SPATA7: variants seen among roughly 807,000 people sequenced by gnomAD.
The protein encoded by SPATA7 is spermatogenesis associated 7.
Under a neutral mutation model 51.8 loss-of-function variants are expected in SPATA7, and 43 were observed. The observed-to-expected ratio is 0.83, with a 90% CI of 0.65 to 1.07. SPATA7 has a LOEUF of 1.07. Ranked by LOEUF, SPATA7 falls within the 50% of genes least tolerant of loss-of-function variation. The pLI is 0.00. For missense variants in SPATA7, 683 were observed against 701.3 expected (o/e 0.97, Z 0.30); for synonymous variants, 230 against 252.8 (o/e 0.91, Z 0.86).
rs111835041 is a variant in SPATA7, at chr14:88,450,270, G to T, written c.178-4790G>T. Reference sequence around the variant, plus strand: ...CATTCTGCCATTTCATATCTTTTAGGTGGAGCATTTAGGCCATTTACATTA... The same window carrying T: ...CATTCTGCCATTTCATATCTTTTAGTTGGAGCATTTAGGCCATTTACATTA... On this transcript the variant is annotated intron_variant, in intron 3 of 3. Coordinates refer to the SPATA7 transcript ENST00000554802. 1.3e-3 allele frequency among the ~76,000 whole-genome samples: 201 copies of T among 152,128 alleles called. 1 individual carries two copies. The highest frequency in any genetic ancestry group is 2.5e-3 in the Non-Finnish European group (173 of 67,992).
At chr14:88,452,338 T>A (rs2077256319) in intron 3 of SPATA7, among the ~76,000 whole-genome samples, 1 of 152,290 alleles carries the variant, frequency 6.6e-6, no homozygotes, top group East Asian at 1.9e-4. Context: ...GAGAGTGAAG[T>A]GGACCCTGTG....
At chr14:88,392,568 A>G (rs2075772615) in intron 2 of SPATA7, among the ~76,000 whole-genome samples, 2 of 152,218 alleles carry the variant, frequency 1.3e-5, no homozygotes, top group Admixed American at 1.3e-4. Flanking sequence ...ATAGGCTTGT[A>G]TTATGCACAG....
intron 3 of SPATA7, among the ~76,000 whole-genome samples, chr14:88,453,937 A>G (rs1342512387): frequency 6.6e-6 from 1 of 152,228 alleles, no homozygotes; most frequent in Non-Finnish European, 1.5e-5. Context: ...TGCCTTGTGC[A>G]TTCTGCTTTG....
Position 88,391,395 on chromosome 14 carries a change from G to A in SPATA7, c.34G>A (p.Val12Ile), listed in dbSNP as rs2139866031. ...DGSRRVRATS[V>I]LPRYGPPCLF... ...CTTGTTAAAAGTCAGAGCAACCTCT[G>A]TCCTTCCCAGATATGGTCCACCGTG... is the stretch of plus-strand genomic sequence containing the variant. The change falls in exon 2 of 12, where the codon GTC becomes ATC. Residue 12 changes from valine (V) to isoleucine (I), a missense_variant. Physicochemically the swap from Val to Ile is conservative, Grantham distance 29 (BLOSUM62 3). Coordinates refer to ENST00000393545, the MANE Select transcript of SPATA7 (RefSeq NM_018418.5). The A allele has an allele frequency of 6.2e-7, 1 of 1,613,058 alleles. No individual in the cohort carries two copies. The highest frequency in any genetic ancestry group is 8.5e-7 in the Non-Finnish European group (1 of 1,179,512).
intron 4 of SPATA7, among the ~76,000 whole-genome samples, chr14:88,415,013 G>C (rs1274276605): frequency 6.6e-6 from 1 of 152,176 alleles, no homozygotes; most frequent in Non-Finnish European, 1.5e-5. Flanking sequence ...ATGCAGATGA[G>C]AAGAATGTTT....
intron 8 of SPATA7, 60 bp from the exon 9 acceptor site, chr14:88,431,112 T>G (rs570862555): frequency 7.3e-7 from 1 of 1,371,114 alleles, no homozygotes; most frequent in African/African-American, 1.4e-5. Context: ...ACAATGTTAT[T>G]GAGTACTTAT....
chr14:88,419,180 TGTG>T (rs924891633), intron 5 of SPATA7, among the ~76,000 whole-genome samples: 3 of 152,158 alleles, frequency 2.0e-5, no homozygotes, highest in East Asian at 3.8e-4. Flanking sequence ...TATTTCTCCT[TGTG>T]GTACTATTAA....
intron 4 of SPATA7, among the ~76,000 whole-genome samples, chr14:88,465,324 G>A (rs988063337): frequency 2.6e-5 from 4 of 152,034 alleles, no homozygotes; most frequent in Non-Finnish European, 4.4e-5. Context: ...AAAATTAGCC[G>A]GGCATAGTGG....
Position 88,425,509 on chromosome 14 carries a change from A to G in SPATA7, c.373-723A>G, listed in dbSNP as rs185034076. ...TCCGTAAGGGCTGAAGTCATAGGCA[A>G]AGCTTCTTAGACATTTTCAGTTTAT... On this transcript the variant is annotated intron_variant, in intron 5 of 11. Transcript: ENST00000393545. 2.6e-5 allele frequency among the ~76,000 whole-genome samples: 4 copies of G among 152,248 alleles called. No homozygotes were observed. In the East Asian group the frequency reaches 7.7e-4, roughly 29 times the overall value.
chr14:88,433,873 T>C (rs545218893), intron 10 of SPATA7, among the ~76,000 whole-genome samples: 3 of 152,174 alleles, frequency 2.0e-5, no homozygotes, highest in Non-Finnish European at 2.9e-5. Context: ...TCAAGTTTTT[T>C]AAAAAATTAA....
intron 4 of SPATA7, among the ~76,000 whole-genome samples, chr14:88,396,409 C>T (rs2075881192): frequency 6.6e-6 from 1 of 152,138 alleles, no homozygotes; most frequent in African/African-American, 2.4e-5. Context: ...ATAATTTCCT[C>T]CCATAGGCCC....
At chr14:88,388,066 GT>G in intron 1 of SPATA7, among the ~76,000 whole-genome samples, 1 of 152,156 alleles carries the variant, frequency 6.6e-6, no homozygotes, top group South Asian at 2.1e-4. Flanking sequence ...GCCAGGCATG[GT>G]GGCGTGCGCC....
At chr14:88,428,750 T>G (rs2076863462) in intron 7 of SPATA7, 1 of 152,614 alleles carries the variant, frequency 6.6e-6, no homozygotes, top group African/African-American at 2.4e-5. Flanking sequence ...AGTACTTGAC[T>G]TGAAGAAGCC....
chr14:88,393,557 T>C, intron 3 of SPATA7, 69 bp downstream of exon 3: 8 of 1,127,900 alleles, frequency 7.1e-6, no homozygotes, highest in South Asian at 4.0e-5. Flanking sequence ...CATTAAAATA[T>C]ATCTATAGCA....
intron 7 of SPATA7, chr14:88,428,557 A>G (rs2076857667): frequency 6.6e-6 from 1 of 152,226 alleles, no homozygotes; most frequent in Admixed American, 6.5e-5. Flanking sequence ...CAGGATTATT[A>G]GGAGGAGTAA....
At chr14:88,420,699 C>CCACT (rs2076616984) in intron 5 of SPATA7, among the ~76,000 whole-genome samples, 1 of 152,054 alleles carries the variant, frequency 6.6e-6, no homozygotes, top group African/African-American at 2.4e-5. Context: ...ACCTATATGC[C>CCACT]CACTCACTCT....
chr14:88,398,640 TAA>T (rs35109199), intron 4 of SPATA7, among the ~76,000 whole-genome samples: 1 of 151,872 alleles, frequency 6.6e-6, no homozygotes, highest in Non-Finnish European at 1.5e-5. Flanking sequence ...AATAAAATTT[TAA>T]AAAAAGATAA....
At chr14:88,449,404 G>T (rs891252987) in intron 3 of SPATA7, among the ~76,000 whole-genome samples, 1 of 151,968 alleles carries the variant, frequency 6.6e-6, no homozygotes, top group Non-Finnish European at 1.5e-5. Context: ...TTTTGCAGTT[G>T]GTTTCTAATT....
chr14:88,411,206 T>C (rs2076332782), intron 4 of SPATA7, among the ~76,000 whole-genome samples: 2 of 152,066 alleles, frequency 1.3e-5, no homozygotes, highest in Non-Finnish European at 2.9e-5. Context: ...CTCAATAAGG[T>C]GGATGCCCCT....
Sources: allele counts gnomAD v4.1 joint callset (sites outside exome capture counted in the v4.1 genomes callset), GRCh38; gene constraint gnomAD v4.1.1; transcripts MANE v1.5; gene names NCBI Gene and HGNC (gene_info 2026-07-23, HGNC 2026-07-21).